PPP1R12B: variants seen among roughly 807,000 people sequenced by gnomAD.
PPP1R12B encodes the protein myosin phosphatase target subunit 2.
PPP1R12B carries 76 observed loss-of-function variants against 126.1 expected under a neutral mutation model. The observed-to-expected ratio is 0.60, with a 90% CI of 0.50 to 0.73. The LOEUF (loss-of-function observed/expected upper bound fraction) is 0.73. Ranked by LOEUF, PPP1R12B falls within the 30% of genes least tolerant of loss-of-function variation. PPP1R12B has a pLI of 0.00. For synonymous variants in PPP1R12B, 356 were observed against 434.7 expected, an observed-to-expected ratio of 0.82 and a Z score of 2.25; for missense variants, 1,052 against 1,205.1, an observed-to-expected ratio of 0.87 and a Z score of 1.88.
intron 13 of PPP1R12B, among the ~76,000 whole-genome samples, chr1:202,470,834 G>T (rs1675761928): frequency 6.6e-6 from 1 of 151,894 alleles, no homozygotes; most frequent in African/African-American, 2.4e-5. Context: ...GAGCCCAGGA[G>T]GTCGAGGCTG....
chr1:202,434,701 A>T lies in PPP1R12B; in HGVS notation c.1187A>T (p.Lys396Met). 6.2e-7 allele frequency: 1 copy of T among 1,613,868 alleles called. No homozygotes were observed. Among genetic ancestry groups the T allele is most frequent in the Non-Finnish European group, 8.5e-7 (1 of 1,179,948 alleles). Residue 396 changes from lysine (K) to methionine (M), a missense_variant, in exon 9 of 24, where the codon AAG (lysine) becomes ATG (methionine). By Grantham distance (95) the Lys-to-Met change is moderately conservative. Coordinates refer to ENST00000608999, the MANE Select transcript of PPP1R12B (RefSeq NM_002481.4). ...AFVNHSNSESKSSITEQIPAP... is the reference protein window; with the variant it reads ...AFVNHSNSESMSSITEQIPAP... ...GTCAATCATTCCAACTCTGAAAGCA[A>T]GAGTAGTATCACAGAGCAGATACCA... is the stretch of plus-strand genomic sequence containing the variant.
At chr1:202,370,527 G>A (rs1022896038) in intron 1 of PPP1R12B, among the ~76,000 whole-genome samples, 1 of 146,160 alleles carries the variant, frequency 6.8e-6, no homozygotes, top group African/African-American at 2.4e-5. Context: ...GAAATTGCTG[G>A]GTTATAGAGT....
chr1:202,357,416 AG>A (rs1301876701), intron 1 of PPP1R12B, among the ~76,000 whole-genome samples: 1 of 152,074 alleles, frequency 6.6e-6, no homozygotes, highest in East Asian at 1.9e-4. Flanking sequence ...GGTTATATGA[AG>A]TTTTTTTTTG....
chr1:202,348,967 G>T lies in PPP1R12B; in HGVS notation c.116G>T (p.Arg39Leu). 6.2e-7 allele frequency: 1 copy of T among 1,602,090 alleles called. No individual in the cohort carries two copies. Among genetic ancestry groups the T allele is most frequent in the South Asian group, 1.1e-5 (1 of 89,610 alleles). Residue 39 changes from arginine to leucine, a missense_variant, in exon 1 of 24, where the codon CGA becomes CTA. Coordinates refer to ENST00000608999, the MANE Select transcript of PPP1R12B (RefSeq NM_002481.4). Reference protein sequence around the residue: ...SLTEQEPAERRGAGRQPLTRR... With the variant: ...SLTEQEPAERLGAGRQPLTRR... ...ACAGAGCAGGAGCCTGCGGAGCGAC[G>T]AGGCGCGGGGCGGCAGCCGCTGACC...
At chr1:202,575,303 C>G in intron 23 of PPP1R12B, 3 of 1,039,304 alleles carry the variant, frequency 2.9e-6, no homozygotes, top group South Asian at 2.0e-5. Context: ...GGACTGAGAT[C>G]ATAGAATGGG....
At chr1:202,386,564 C>T (rs1326574492) in intron 1 of PPP1R12B, among the ~76,000 whole-genome samples, 2 of 151,790 alleles carry the variant, frequency 1.3e-5, no homozygotes, top group African/African-American at 2.4e-5. Flanking sequence ...CGTGATCCAC[C>T]TGCCTCGGCC....
At chr1:202,511,278 G>A (rs1175723672) in intron 18 of PPP1R12B, among the ~76,000 whole-genome samples, 1 of 150,772 alleles carries the variant, frequency 6.6e-6, no homozygotes. Context: ...GTGCAGTGGC[G>A]CAATCTCAGC....
At chr1:202,471,792 A>C in intron 13 of PPP1R12B, 1 of 1,238,856 alleles carries the variant, frequency 8.1e-7, no homozygotes, top group South Asian at 1.4e-5. Flanking sequence ...AAAATGGGTA[A>C]AAGTTTTTTT....
intron 21 of PPP1R12B, among the ~76,000 whole-genome samples, chr1:202,567,273 G>A (rs1688135725): frequency 6.6e-6 from 1 of 152,074 alleles, no homozygotes; most frequent in Non-Finnish European, 1.5e-5. Context: ...AAGAAAAATG[G>A]TATCAATTCC....
intron 18 of PPP1R12B, among the ~76,000 whole-genome samples, chr1:202,548,594 G>C (rs1419270541): frequency 1.3e-5 from 2 of 151,840 alleles, no homozygotes; most frequent in Admixed American, 6.6e-5. Flanking sequence ...CAAGGTGCTG[G>C]GCTTACAGGT....
At chr1:202,556,952 A>G (rs534558408) in intron 18 of PPP1R12B, among the ~76,000 whole-genome samples, 1 of 152,340 alleles carries the variant, frequency 6.6e-6, no homozygotes, top group East Asian at 1.9e-4. Context: ...GACATAGCCC[A>G]TAGCCCAGGA....
chr1:202,355,339 ACAGT>A (rs1656881908), intron 1 of PPP1R12B, among the ~76,000 whole-genome samples: 1 of 152,348 alleles, frequency 6.6e-6, no homozygotes, highest in East Asian at 1.9e-4. Flanking sequence ...CAAGGAACTA[ACAGT>A]CAGGTTTGGA....
Position 202,569,179 on chromosome 1 carries a change from A to G in PPP1R12B, c.2844A>G (p.Glu948=). ...GAGCCTTGGAGCGCAAAATGTCAGA[A>G]ATGGAGGAAGAAATGAAGGTATGAA... ...ERRALERKMS[E]MEEEMKVLTE... is the part of the protein sequence containing the mutation. Residue 948 remains glutamate, a synonymous_variant, in exon 23 of 24, where the codon GAA becomes GAG. Coordinates refer to ENST00000608999, the MANE Select transcript of PPP1R12B (RefSeq NM_002481.4). 3 of 1,613,462 alleles carry G rather than the reference A, an allele frequency of 1.9e-6. No individual in the cohort carries two copies. The highest frequency in any genetic ancestry group is 2.5e-6 in the Non-Finnish European group (3 of 1,179,450).
intron 13 of PPP1R12B, 151 bp from the exon 14 acceptor site, chr1:202,488,382 G>A (rs1678426775): frequency 8.2e-6 from 5 of 607,932 alleles, no homozygotes; most frequent in Non-Finnish European, 1.4e-5. Flanking sequence ...TGTAATGTTT[G>A]CTGATGGTTG....
At chr1:202,470,340 TAAAAA>T (rs1244003719) in intron 13 of PPP1R12B, among the ~76,000 whole-genome samples, 1 of 152,000 alleles carries the variant, frequency 6.6e-6, no homozygotes, top group Non-Finnish European at 1.5e-5. Flanking sequence ...ACTATGGTAA[TAAAAA>T]AAAGTGTGAA....
chr1:202,405,906 T>C (rs1666540484), intron 1 of PPP1R12B, among the ~76,000 whole-genome samples: 1 of 152,250 alleles, frequency 6.6e-6, no homozygotes, highest in Admixed American at 6.5e-5. Context: ...GATGAAAATA[T>C]GCTGGGAAAA....
chr1:202,431,889 G>A (rs1263174962), intron 8 of PPP1R12B, among the ~76,000 whole-genome samples: 1 of 152,170 alleles, frequency 6.6e-6, no homozygotes, highest in Non-Finnish European at 1.5e-5. Context: ...CACTTTGGGA[G>A]GCCAAGTGCG....
At chr1:202,545,031 C>T (rs1054941641) in intron 18 of PPP1R12B, among the ~76,000 whole-genome samples, 1 of 152,196 alleles carries the variant, frequency 6.6e-6, no homozygotes, top group African/African-American at 2.4e-5. Context: ...AGCATATTAT[C>T]GTATCCTCTA....
At chr1:202,493,087 A>C (rs1679102703) in intron 14 of PPP1R12B, 27 bp from the exon 15 acceptor site, 2 of 1,598,382 alleles carry the variant, frequency 1.3e-6, no homozygotes, top group Non-Finnish European at 1.7e-6. Context: ...AGTGTGAAAC[A>C]GCCCTGATCT....
Sources: allele counts gnomAD v4.1 joint callset (sites outside exome capture counted in the v4.1 genomes callset), GRCh38; gene constraint gnomAD v4.1.1; transcripts MANE v1.5; gene names NCBI Gene and HGNC (gene_info 2026-07-23, HGNC 2026-07-21).